Variants in BCAM observed in about 807,000 individuals in gnomAD.
The protein encoded by BCAM is basal cell adhesion molecule.
A neutral mutation model predicts 72.4 loss-of-function variants in BCAM; 61 were observed. The ratio of observed to expected loss-of-function variants is 0.84; its 90% CI spans 0.69 to 1.04. The LOEUF (loss-of-function observed/expected upper bound fraction) is 1.04, where lower values mean the gene tolerates loss of function less well. BCAM is among the 50% of genes least tolerant of loss of function. BCAM has a pLI of 0.00. For synonymous variants in BCAM, 408 were observed against 384.2 expected (o/e 1.06, Z -0.73); for missense variants, 909 against 895.0 (o/e 1.02, Z -0.20).
At chr19:44,815,844 A>G (rs1246471736) in intron 8 of BCAM, among the ~76,000 whole-genome samples, 1 of 151,332 alleles carries the variant, frequency 6.6e-6, no homozygotes, top group African/African-American at 2.4e-5. Flanking sequence ...ATTTGCACAC[A>G]CACACACACA....
chr19:44,811,353 G>A lies in BCAM; in HGVS notation c.204+7G>A. ...TATGCTGGAATGGTTCCTTGTGAGT[G>A]CTTGGGGCTGGGGGGCCTGGAGTCA... On this transcript the variant is annotated splice_region_variant and intron_variant, in intron 2 of 14. Coordinates refer to ENST00000270233, the MANE Select transcript of BCAM (RefSeq NM_005581.5). The A allele has an allele frequency of 6.2e-7, 1 of 1,611,808 alleles. No individual in the cohort carries two copies. Among genetic ancestry groups the A allele is most frequent in the African/African-American group, 1.3e-5 (1 of 74,878 alleles).
Position 44,812,964 on chromosome 19 carries a change from AAAG to A in BCAM, c.505-277_505-275del, listed in dbSNP as rs367835858. On this transcript the variant is annotated intron_variant, in intron 4 of 14. Coordinates refer to ENST00000270233, the MANE Select transcript of BCAM (RefSeq NM_005581.5). This position sits in a 1 kb window ranked among gnomAD's most constrained non-coding sequence, Gnocchi z 5.3. ...TACTCCGTCTCAAAAAAAAAAAAAAAAAGAAGAAGAAAAGAAAAAAGAAAGGAA... is the reference window on the plus strand; with the variant it reads ...TACTCCGTCTCAAAAAAAAAAAAAAAAAGAAGAAAAGAAAAAAGAAAGGAA... 0.05 allele frequency: 20,801 copies of A among 416,888 alleles called. 643 individuals carry two copies. The highest frequency in any genetic ancestry group is 0.11 in the African/African-American group (5,158 of 46,574). 25.8% of individuals were successfully genotyped at this position (416,888 alleles called of 1,614,324 possible). A position where few individuals can be genotyped will look rare whatever the true frequency, so the allele number is the denominator to read the frequency against.
chr19:44,819,523 G>T lies in BCAM; in HGVS notation c.1618+33G>T, dbSNP rs2927486. 4,790 of 1,613,596 alleles carry T rather than the reference G, an allele frequency of 3.0e-3. 142 individuals carry two copies. In the African/African-American group the frequency reaches 0.056, roughly 19 times the overall value. On this transcript the variant is annotated intron_variant, in intron 12 of 14. Transcript: ENST00000270233. ...ACTGAGGTGGTGGCAGAGGAGCCGGGTGTGGGGCAGACAGAGCCCACTGCC... is the reference window on the plus strand; with the variant it reads ...ACTGAGGTGGTGGCAGAGGAGCCGGTTGTGGGGCAGACAGAGCCCACTGCC...
chr19:44,809,294 C>G, intron 1 of BCAM, 88 bp downstream of exon 1: 1 of 1,174,872 alleles, frequency 8.5e-7, no homozygotes. Flanking sequence ...TACCCTGACC[C>G]CAGGAAGCAA....
intron 1 of BCAM, among the ~76,000 whole-genome samples, chr19:44,809,614 G>T (rs1968390838): frequency 6.6e-6 from 1 of 152,012 alleles, no homozygotes; most frequent in Non-Finnish European, 1.5e-5. Flanking sequence ...TCCCTCAAAG[G>T]TCCTCAAGTT....
Position 44,821,106 on chromosome 19 carries a change from G to T in BCAM, c.*185G>T. Reference sequence around the variant, plus strand: ...TGGCTGCCTGCCTCCGGGAGGGAAGGAGAGGGAGGGTGGGTGGGTGGGAGG... The same window carrying T: ...TGGCTGCCTGCCTCCGGGAGGGAAGTAGAGGGAGGGTGGGTGGGTGGGAGG... On this transcript the variant is annotated 3_prime_UTR_variant, in exon 15 of 15. Transcript: ENST00000270233. 5.8e-6 allele frequency: 3 copies of T among 513,464 alleles called. No individual in the cohort carries two copies. The highest frequency in any genetic ancestry group is 6.0e-6 in the Non-Finnish European group (2 of 332,462). 31.8% of individuals were successfully genotyped at this position (513,464 alleles called of 1,614,324 possible).
rs866173399 is a variant in BCAM at position 44,813,288 on chromosome 19, C to T, written c.543C>T (p.Pro181=). Residue 181 remains proline, a synonymous_variant, in exon 5 of 15, where the codon CCC becomes CCT. Coordinates refer to ENST00000270233, the MANE Select transcript of BCAM (RefSeq NM_005581.5). The surrounding 1 kb of genome is among the most constrained non-coding windows in gnomAD (Gnocchi z 4.2). ...TCNSRNGNPA[P]KITWYRNGQR... Reference sequence around the variant, plus strand: ...ACAGCCGGAACGGGAACCCGGCCCCCAAGATCACGTGGTATCGCAACGGGC... The same window carrying T: ...ACAGCCGGAACGGGAACCCGGCCCCTAAGATCACGTGGTATCGCAACGGGC... 5 of 1,614,158 alleles carry T rather than the reference C, an allele frequency of 3.1e-6. No individual in the cohort carries two copies. In the Middle Eastern group the frequency reaches 8.3e-4, roughly 266 times the overall value.
chr19:44,818,823 C>T lies in BCAM; in HGVS notation c.1277C>T (p.Ala426Val), dbSNP rs774984772. 4 of 1,614,004 alleles carry T rather than the reference C, an allele frequency of 2.5e-6. No homozygotes were observed. The highest frequency in any genetic ancestry group is 2.2e-5 in the South Asian group (2 of 91,090). The change falls in exon 10 of 15, where the codon GCC (alanine) becomes GTC (valine). Residue 426 changes from alanine to valine, a missense_variant. By Grantham distance (64) the Ala-to-Val change is moderately conservative. Coordinates refer to ENST00000270233, the MANE Select transcript of BCAM (RefSeq NM_005581.5). The surrounding 1 kb of genome is among the most constrained non-coding windows in gnomAD (Gnocchi z 4.6). ...FDSNGTYVCE[A>V]SLPTVPVLSR... ...TCCAATGGCACCTACGTATGTGAGG[C>T]CTCCCTGCCCACAGTCCCGGTCCTC...
intron 13 of BCAM, chr19:44,820,245 T>C (rs1220055397): frequency 2.0e-6 from 2 of 988,840 alleles, no homozygotes; most frequent in African/African-American, 3.8e-5. Flanking sequence ...CAAGCCTATC[T>C]CTCACCATCC....
Position 44,812,587 on chromosome 19 carries a change from G to T in BCAM, c.504+39G>T, listed in dbSNP as rs765758917. The T allele has an allele frequency of 3.1e-6, 5 of 1,610,920 alleles. No homozygotes were observed. Among genetic ancestry groups the T allele is most frequent in the East Asian group, 2.2e-5 (1 of 44,842 alleles). ...GGACCTTGGCCCCAGGGTCCTGGAG[G>T]AGGAGGGGACAGGGCCCTGGACTCC... is the stretch of plus-strand genomic sequence containing the variant. On this transcript the variant is annotated intron_variant, in intron 4 of 14. Coordinates refer to ENST00000270233, the MANE Select transcript of BCAM (RefSeq NM_005581.5). This position sits in a 1 kb window ranked among gnomAD's most constrained non-coding sequence, Gnocchi z 5.3.
Position 44,814,324 on chromosome 19 carries a change from C to T in BCAM, c.921+36C>T. The T allele has an allele frequency of 6.4e-7, 1 of 1,570,886 alleles. No individual in the cohort carries two copies. The highest frequency in any genetic ancestry group is 1.2e-5 in the South Asian group (1 of 85,808). ...CAAGGGTCCCTCTGGGATCCACCCC[C>T]CAGCCCCTGACCTCTGTGACCTGCT... On this transcript the variant is annotated intron_variant, in intron 7 of 14. Transcript: ENST00000270233. The surrounding 1 kb of genome is among the most constrained non-coding windows in gnomAD (Gnocchi z 4.6).
intron 12 of BCAM, 30 bp from the exon 13 acceptor site, chr19:44,819,552 C>A (rs755403620): frequency 6.2e-7 from 1 of 1,612,236 alleles, no homozygotes; most frequent in South Asian, 1.1e-5. Context: ...CACTGCCTGA[C>A]CCACGCCTCT....
chr19:44,819,015 C>G lies in BCAM; in HGVS notation c.1337-41C>G, dbSNP rs1314964843. Reference sequence around the variant, plus strand: ...CTCGATGCCTCTCTTCTCTCTCTCTCTCCTCTCCCTTCACTTTCTTCCCAT... The same window carrying G: ...CTCGATGCCTCTCTTCTCTCTCTCTGTCCTCTCCCTTCACTTTCTTCCCAT... On this transcript the variant is annotated intron_variant, in intron 10 of 14. Coordinates refer to ENST00000270233, the MANE Select transcript of BCAM (RefSeq NM_005581.5). 5 of 1,609,570 alleles carry G rather than the reference C, an allele frequency of 3.1e-6. No homozygotes were observed. The African/African-American group carries it at 6.7e-5, about 21-fold the overall frequency.
chr19:44,816,178 C>T (rs1309279296), intron 8 of BCAM, among the ~76,000 whole-genome samples: 1 of 151,950 alleles, frequency 6.6e-6, no homozygotes, highest in African/African-American at 2.4e-5. Context: ...GGTGTGGTGG[C>T]ATGCACCTGT....
rs756331624 is a variant in BCAM, at chr19:44,820,804, C to T, written c.1863C>T (p.Ser621=). ...CCTCCGGAGGAGCCAGGGGTGGCAG[C>T]GGGGGCTTCGGAGACGAGGTGGGTG... ...GGASGGARGG[S]GGFGDEC Residue 621 remains serine (S), a synonymous_variant, in exon 14 of 15, where the codon AGC becomes AGT. Transcript: ENST00000270233. The T allele has an allele frequency of 2.0e-5, 30 of 1,509,626 alleles. 1 individual carries two copies. The Middle Eastern group carries it at 1.1e-3, about 54-fold the overall frequency. 93.5% of individuals were successfully genotyped at this position (1,509,626 alleles called of 1,614,324 possible). A position where few individuals can be genotyped will look rare whatever the true frequency, so the allele number is the denominator to read the frequency against.
chr19:44,819,085 G>C lies in BCAM; in HGVS notation c.1366G>C (p.Glu456Gln). The C allele has an allele frequency of 6.2e-7, 1 of 1,614,002 alleles. No individual in the cohort carries two copies. The highest frequency in any genetic ancestry group is 8.5e-7 in the Non-Finnish European group (1 of 1,179,970). The change falls in exon 11 of 15, where the codon GAG becomes CAG. Residue 456 changes from glutamate to glutamine, a missense_variant. Physicochemically the swap from Glu to Gln is conservative, Grantham distance 29 (BLOSUM62 2). Coordinates refer to ENST00000270233, the MANE Select transcript of BCAM (RefSeq NM_005581.5). ...GSPELKTAEIEPKADGSWREG... is the reference protein window; with the variant it reads ...GSPELKTAEIQPKADGSWREG... ...GCCAGAGCTAAAGACAGCGGAAATA[G>C]AGCCCAAGGCAGATGGCAGCTGGAG...
intron 10 of BCAM, 45 bp from the exon 11 acceptor site, chr19:44,819,011 C>T: frequency 6.2e-7 from 1 of 1,608,036 alleles, no homozygotes; most frequent in South Asian, 1.1e-5. Context: ...TCTTCTCTCT[C>T]TCTCTCCTCT....
At chr19:44,815,565 G>A (rs1968494146) in intron 8 of BCAM, among the ~76,000 whole-genome samples, 1 of 152,198 alleles carries the variant, frequency 6.6e-6, no homozygotes, top group Non-Finnish European at 1.5e-5. Flanking sequence ...GGCAGGTGTT[G>A]CAGTCTGCTT....
Position 44,818,877 on chromosome 19 carries a change from T to G in BCAM, c.1331T>G (p.Val444Gly), listed in dbSNP as rs760277909. 6.2e-7 allele frequency: 1 copy of G among 1,613,752 alleles called. No homozygotes were observed. The highest frequency in any genetic ancestry group is 2.2e-5 in the East Asian group (1 of 44,868). ...CGCACCCAGAACTTCACGCTGCTGG[T>G]CCAAGGTTCAGGGGGCAGGGAGGGG... is the stretch of plus-strand genomic sequence containing the variant. ...LSRTQNFTLL[V>G]QGSPELKTAE... The change falls in exon 10 of 15, where the codon GTC becomes GGC. Residue 444 changes from valine to glycine, a missense_variant. Physicochemically the swap from Val to Gly is moderately radical, Grantham distance 109. Transcript: ENST00000270233. This position sits in a 1 kb window ranked among gnomAD's most constrained non-coding sequence, Gnocchi z 4.6.
Sources: allele counts gnomAD v4.1 joint callset (sites outside exome capture counted in the v4.1 genomes callset), GRCh38; gene constraint gnomAD v4.1.1; non-coding constraint Gnocchi (gnomAD v3.1); transcripts MANE v1.5; gene names NCBI Gene and HGNC (gene_info 2026-07-23, HGNC 2026-07-21).